Variants in TENM4 observed in about 807,000 individuals in gnomAD.
The protein encoded by TENM4 is teneurin-4.
A neutral mutation model predicts 243.3 loss-of-function variants in TENM4; 82 were observed. That is an observed-to-expected ratio of 0.34 (90% CI 0.28 to 0.40). TENM4 has a LOEUF of 0.40. Among genes scored for constraint, TENM4 ranks in the 10% least tolerant of loss-of-function variants. The pLI is 1.00. For missense variants in TENM4, 3,138 were observed against 3,673.3 expected (o/e 0.85, Z 3.77); for synonymous variants, 1,412 against 1,456.3 (o/e 0.97, Z 0.69).
At chr11:78,808,424 A>T (rs1214340447) in intron 14 of TENM4, among the ~76,000 whole-genome samples, 1 of 152,224 alleles carries the variant, frequency 6.6e-6, no homozygotes, top group African/African-American at 2.4e-5. Context: ...CATGGACATT[A>T]TCTCATTTAA....
intron 3 of TENM4, among the ~76,000 whole-genome samples, chr11:79,205,905 C>T (rs1863842229): frequency 2.0e-5 from 3 of 152,226 alleles, no homozygotes; most frequent in Admixed American, 2.0e-4. Context: ...CTCCATGCAG[C>T]CACCGTGCTG....
intron 1 of TENM4, among the ~76,000 whole-genome samples, chr11:79,298,965 G>T (rs1856505531): frequency 6.6e-6 from 1 of 152,030 alleles, no homozygotes; most frequent in Admixed American, 6.5e-5. Flanking sequence ...TTGCAACTAA[G>T]ATAGGTTCTG....
intron 1 of TENM4, among the ~76,000 whole-genome samples, chr11:79,410,850 C>A (rs1371718919): frequency 6.6e-6 from 1 of 152,300 alleles, no homozygotes; most frequent in East Asian, 1.9e-4. Context: ...CTCTAAACCT[C>A]CATAGTAAGT....
At chr11:78,981,095 A>G (rs909897609) in intron 6 of TENM4, among the ~76,000 whole-genome samples, 1 of 152,122 alleles carries the variant, frequency 6.6e-6, no homozygotes, top group Non-Finnish European at 1.5e-5. Context: ...CCTCATTACT[A>G]TGAAGTATCT....
intron 6 of TENM4, among the ~76,000 whole-genome samples, chr11:78,968,530 A>G (rs556022270): frequency 1.9e-4 from 29 of 152,314 alleles, no homozygotes; most frequent in Non-Finnish European, 3.4e-4. Context: ...ACTCAGCCTC[A>G]GGAGTTCTTT....
intron 23 of TENM4, among the ~76,000 whole-genome samples, chr11:78,724,277 G>A (rs1477199460): frequency 6.6e-6 from 1 of 152,118 alleles, no homozygotes; most frequent in Non-Finnish European, 1.5e-5. Flanking sequence ...TATTTTAGTA[G>A]AGATGGGGTC....
At chr11:78,759,272 C>T (rs1591000563) in intron 18 of TENM4, among the ~76,000 whole-genome samples, 1 of 152,206 alleles carries the variant, frequency 6.6e-6, no homozygotes. Flanking sequence ...CTCATGCTGC[C>T]CCTGTCAGAC....
chr11:79,314,150 G>T (rs1038430178), intron 1 of TENM4, among the ~76,000 whole-genome samples: 25 of 152,276 alleles, frequency 1.6e-4, no homozygotes, highest in African/African-American at 5.8e-4. Context: ...GGCCTTGCAA[G>T]AGCTACTTAG....
At chr11:78,997,001 A>T (rs1319740850) in intron 6 of TENM4, among the ~76,000 whole-genome samples, 1 of 145,430 alleles carries the variant, frequency 6.9e-6, no homozygotes, top group Non-Finnish European at 1.5e-5. Flanking sequence ...GAAAGCCCCA[A>T]GGGGGGACCT....
At chr11:79,295,344 C>T (rs1195689707) in intron 2 of TENM4, among the ~76,000 whole-genome samples, 4 of 152,176 alleles carry the variant, frequency 2.6e-5, no homozygotes, top group Admixed American at 6.5e-5. Context: ...AACAGAGCTT[C>T]GCCTCCTCCC....
chr11:78,849,479 T>C (rs1162735369), intron 12 of TENM4, among the ~76,000 whole-genome samples: 4 of 152,188 alleles, frequency 2.6e-5, no homozygotes, highest in African/African-American at 7.2e-5. Flanking sequence ...ATCTGTAAAG[T>C]TGAGGTCAAC....
rs112631520 is a variant in TENM4, at chr11:78,952,210, G to A, written c.494-48687C>T. On this transcript the variant is annotated intron_variant, in intron 6 of 33. Coordinates refer to ENST00000278550, the MANE Select transcript of TENM4 (RefSeq NM_001098816.3). ...GCCTCATTTTTCCTCCATATCACTC[G>A]AAATCAGAAAGACCTTCCCTATTTT... Among the ~76,000 whole-genome samples the A allele has an allele frequency of 1.7e-3, 264 of 152,326 alleles. 1 individual carries two copies. Among genetic ancestry groups the A allele is most frequent in the African/African-American group, 5.7e-3 (238 of 41,568 alleles).
intron 6 of TENM4, among the ~76,000 whole-genome samples, chr11:79,051,542 A>G (rs1859792171): frequency 6.6e-6 from 1 of 152,174 alleles, no homozygotes; most frequent in Non-Finnish European, 1.5e-5. Context: ...CTAGGGTAAG[A>G]GCTTTGGATT....
intron 6 of TENM4, among the ~76,000 whole-genome samples, chr11:78,920,380 A>T (rs1449254162): frequency 6.6e-6 from 1 of 152,194 alleles, no homozygotes; most frequent in Non-Finnish European, 1.5e-5. Context: ...ATGTCCTGTA[A>T]TGATCTGTGG....
intron 12 of TENM4, among the ~76,000 whole-genome samples, chr11:78,819,056 T>A (rs553220195): frequency 6.6e-6 from 1 of 152,140 alleles, no homozygotes; most frequent in South Asian, 2.1e-4. Flanking sequence ...GCTCATTCTC[T>A]GGACATGTGT....
intron 15 of TENM4, among the ~76,000 whole-genome samples, chr11:78,801,017 C>A (rs1857270263): frequency 6.6e-6 from 1 of 152,092 alleles, no homozygotes. Context: ...AGTTCAGTGC[C>A]TGGTACATGC....
intron 6 of TENM4, among the ~76,000 whole-genome samples, chr11:79,037,467 T>C (rs1435465): frequency 0.63 from 96,407 of 152,132 alleles, 34,344 homozygotes; most frequent in Non-Finnish European, 0.83. Context: ...AGAGCCAGGA[T>C]TTCTGATTGG....
intron 3 of TENM4, among the ~76,000 whole-genome samples, chr11:79,211,871 T>C (rs1863962600): frequency 6.6e-6 from 1 of 152,198 alleles, no homozygotes; most frequent in Admixed American, 6.5e-5. Flanking sequence ...ACAGGTGCTT[T>C]AGGGCATGCT....
chr11:78,876,578 A>G (rs1287090513), intron 9 of TENM4, among the ~76,000 whole-genome samples: 1 of 152,254 alleles, frequency 6.6e-6, no homozygotes, highest in Non-Finnish European at 1.5e-5. Flanking sequence ...TCCCAGTTAG[A>G]ATGAATTGCT....
Sources: allele counts gnomAD v4.1 joint callset (sites outside exome capture counted in the v4.1 genomes callset), GRCh38; gene constraint gnomAD v4.1.1; transcripts MANE v1.5; gene names NCBI Gene and HGNC (gene_info 2026-07-23, HGNC 2026-07-21).